TMEM156: variants seen among roughly 807,000 people sequenced by gnomAD.
TMEM156 encodes the protein transmembrane protein 156.
TMEM156 carries 28 observed loss-of-function variants against 30.5 expected under a neutral mutation model. The observed-to-expected ratio is 0.92, with a 90% CI of 0.68 to 1.26. The LOEUF is 1.26. TMEM156 is among the 50% of genes most tolerant of loss of function. The probability of loss-of-function intolerance (pLI) is 0.00; values close to 1 mark genes in which losing one functional copy is unlikely to be tolerated. For missense variants in TMEM156, 351 were observed against 340.6 expected, an observed-to-expected ratio of 1.03 and a Z score of -0.24; for synonymous variants, 137 against 119.9, an observed-to-expected ratio of 1.14 and a Z score of -0.93.
intron 5 of TMEM156, chr4:38,980,937 T>C (rs1560358082): frequency 2.0e-6 from 2 of 985,296 alleles, no homozygotes; most frequent in Non-Finnish European, 2.4e-6. Context: ...ATTCAATGAA[T>C]GACTGGAATA....
At chr4:39,031,460 C>T (rs180793165) in intron 1 of TMEM156, among the ~76,000 whole-genome samples, 9 of 152,222 alleles carry the variant, frequency 5.9e-5, no homozygotes, top group East Asian at 3.9e-4. Context: ...AATATATAAA[C>T]GCTTTTTCTT....
In TMEM156 at chr4:39,001,544, T is replaced by C. The variant is rs907932800; in HGVS notation, c.89-2635A>G. Among the ~76,000 whole-genome samples the C allele has an allele frequency of 8.0e-5, 12 of 150,340 alleles. No individual in the cohort carries two copies. The East Asian group carries it at 1.5e-3, about 19-fold the overall frequency. On this transcript the variant is annotated intron_variant, in intron 1 of 6. Coordinates refer to ENST00000381938, the MANE Select transcript of TMEM156 (RefSeq NM_024943.3). ...CACAATGAAAGAATTACTTCTTCTT[T>C]TTTTTTTTTAATAATTACCCCTACT...
At chr4:38,993,272 A>C (rs1712673256) in intron 3 of TMEM156, among the ~76,000 whole-genome samples, 1 of 152,016 alleles carries the variant, frequency 6.6e-6, no homozygotes, top group African/African-American at 2.4e-5. Context: ...TCTACTAAAA[A>C]TACAAAAAAT....
At chr4:38,997,835 G>A (rs941630283) in intron 2 of TMEM156, among the ~76,000 whole-genome samples, 7 of 152,170 alleles carry the variant, frequency 4.6e-5, no homozygotes, top group Admixed American at 1.3e-4. Flanking sequence ...CAGACATTGT[G>A]CACAAAGCTT....
In TMEM156 at chr4:39,032,251, C is replaced by A. The variant is rs377695100; in HGVS notation, c.63G>T (p.Leu21Phe). ...CTTTCGGTGTCTTGAAATATTCCGG[C>A]AAAATTAAAATGAATGTGATCACTA... Reference protein sequence around the residue: ...VAIVITFILILPEYFKTPKER... With the variant: ...VAIVITFILIFPEYFKTPKER... The change falls in exon 1 of 7, where the codon TTG (leucine) becomes TTT (phenylalanine). Residue 21 changes from leucine to phenylalanine, a missense_variant. Physicochemically the swap from Leu to Phe is conservative, Grantham distance 22. Coordinates refer to ENST00000381938, the MANE Select transcript of TMEM156 (RefSeq NM_024943.3). 10 of 1,608,780 alleles carry A rather than the reference C, an allele frequency of 6.2e-6. No individual in the cohort carries two copies. Among genetic ancestry groups the A allele is most frequent in the African/African-American group, 1.3e-5 (1 of 74,808 alleles).
intron 1 of TMEM156, among the ~76,000 whole-genome samples, chr4:39,004,956 A>G (rs1336346728): frequency 1.3e-5 from 2 of 152,224 alleles, no homozygotes; most frequent in Non-Finnish European, 2.9e-5. Context: ...TCTTACTTAT[A>G]ATAGCCAAGA....
chr4:38,994,201 T>C (rs1375785114), intron 2 of TMEM156, among the ~76,000 whole-genome samples: 1 of 152,168 alleles, frequency 6.6e-6, no homozygotes, highest in African/African-American at 2.4e-5. Flanking sequence ...CATGGCTCAC[T>C]GCAGCCTCAC....
intron 5 of TMEM156, among the ~76,000 whole-genome samples, chr4:38,979,284 T>C (rs537115665): frequency 2.6e-5 from 4 of 152,346 alleles, no homozygotes; most frequent in Non-Finnish European, 5.9e-5. Flanking sequence ...CAGCCAGTCC[T>C]GGCAGGGTCC....
At chr4:39,004,384 T>C (rs1414900208) in intron 1 of TMEM156, among the ~76,000 whole-genome samples, 1 of 152,176 alleles carries the variant, frequency 6.6e-6, no homozygotes, top group Non-Finnish European at 1.5e-5. Context: ...TTTAAACTTT[T>C]ATTATAAAAA....
At chr4:38,988,264 C>T (rs1366620937) in intron 4 of TMEM156, among the ~76,000 whole-genome samples, 2 of 152,176 alleles carry the variant, frequency 1.3e-5, no homozygotes, top group Non-Finnish European at 1.5e-5. Flanking sequence ...TGCTCCATTG[C>T]CCAGGCTGGA....
At chr4:38,971,834 G>T (rs1267545300) in intron 5 of TMEM156, among the ~76,000 whole-genome samples, 1 of 151,922 alleles carries the variant, frequency 6.6e-6, no homozygotes, top group Non-Finnish European at 1.5e-5. Context: ...TTGTTGCCCA[G>T]CCTAGAGTGC....
chr4:39,012,800 C>A (rs778957971), intron 1 of TMEM156, among the ~76,000 whole-genome samples: 11 of 151,964 alleles, frequency 7.2e-5, no homozygotes, highest in Non-Finnish European at 1.5e-4. Context: ...ATTAGCCTGC[C>A]GTGGGGCAGG....
chr4:39,025,405 A>G (rs1039671262), intron 1 of TMEM156, among the ~76,000 whole-genome samples: 4 of 151,818 alleles, frequency 2.6e-5, no homozygotes, highest in African/African-American at 9.7e-5. Flanking sequence ...CCACTTCAAT[A>G]GCAAAAACTA....
At chr4:39,015,199 A>G (rs1039439688) in intron 1 of TMEM156, among the ~76,000 whole-genome samples, 2 of 151,966 alleles carry the variant, frequency 1.3e-5, no homozygotes, top group Non-Finnish European at 2.9e-5. Flanking sequence ...TTTATTATTC[A>G]GTTTTGGCAG....
intron 1 of TMEM156, among the ~76,000 whole-genome samples, chr4:39,022,304 A>G (rs113259861): frequency 1.3e-5 from 2 of 152,312 alleles, no homozygotes; most frequent in African/African-American, 4.8e-5. Flanking sequence ...AACCAGACAT[A>G]ATTTGTGCTA....
chr4:38,984,140 A>G (rs1158419253), intron 5 of TMEM156, among the ~76,000 whole-genome samples: 1 of 152,156 alleles, frequency 6.6e-6, no homozygotes, highest in Non-Finnish European at 1.5e-5. Context: ...TGGGGATTTG[A>G]TTCAGTTTGA....
At chr4:38,972,245 T>C (rs1722635934) in intron 5 of TMEM156, among the ~76,000 whole-genome samples, 1 of 19,764 alleles carries the variant, frequency 5.1e-5, no homozygotes, top group African/African-American at 2.6e-4. Flanking sequence ...TCTGGGAATT[T>C]TTTTTTTTTT....
At chr4:39,014,148 G>A (rs998297135) in intron 1 of TMEM156, among the ~76,000 whole-genome samples, 1 of 152,152 alleles carries the variant, frequency 6.6e-6, no homozygotes, top group East Asian at 1.9e-4. Context: ...AACAAAAGAG[G>A]CTGTAAAAGA....
intron 1 of TMEM156, among the ~76,000 whole-genome samples, chr4:39,015,464 G>A (rs1450949470): frequency 6.6e-6 from 1 of 152,150 alleles, no homozygotes; most frequent in Non-Finnish European, 1.5e-5. Context: ...ATGGAAGGAG[G>A]CCACAAGCCA....
Sources: allele counts gnomAD v4.1 joint callset (sites outside exome capture counted in the v4.1 genomes callset), GRCh38; gene constraint gnomAD v4.1.1; transcripts MANE v1.5; gene names NCBI Gene and HGNC (gene_info 2026-07-23, HGNC 2026-07-21).